CEP89: variants seen among roughly 807,000 people sequenced by gnomAD.
CEP89 encodes centrosomal protein 89, also known as centrosomal protein of 89 kDa.
Under a neutral mutation model 97.6 loss-of-function variants are expected in CEP89, and 95 were observed. The observed-to-expected ratio is 0.97, with a 90% CI of 0.82 to 1.15. The LOEUF (loss-of-function observed/expected upper bound fraction) is 1.15. Ranked by LOEUF, CEP89 falls within the 50% of genes most tolerant of loss-of-function variation. The probability of loss-of-function intolerance (pLI) is 0.00; values close to 1 mark genes in which losing one functional copy is unlikely to be tolerated. For missense variants in CEP89, 869 were observed against 947.7 expected (o/e 0.92, Z 1.09); for synonymous variants, 354 against 349.1 (o/e 1.01, Z -0.16).
At chr19:32,916,396 T>C (rs374368637) in intron 13 of CEP89, among the ~76,000 whole-genome samples, 1 of 152,216 alleles carries the variant, frequency 6.6e-6, no homozygotes, top group East Asian at 1.9e-4. Flanking sequence ...ATTCCAGTCT[T>C]CAAGGAACTG....
At chr19:32,892,526 G>A (rs558057686) in intron 16 of CEP89, among the ~76,000 whole-genome samples, 3 of 151,802 alleles carry the variant, frequency 2.0e-5, no homozygotes, top group African/African-American at 7.2e-5. Flanking sequence ...GGCTGGTCTT[G>A]AACTCCTGAC....
intron 14 of CEP89, among the ~76,000 whole-genome samples, chr19:32,904,418 C>T (rs1043518820): frequency 1.3e-5 from 2 of 152,134 alleles, no homozygotes; most frequent in Non-Finnish European, 2.9e-5. Flanking sequence ...GAATTCTTCA[C>T]CCAGTGAAAT....
At chr19:32,967,650 G>A (rs1048834801) in intron 1 of CEP89, among the ~76,000 whole-genome samples, 1 of 152,208 alleles carries the variant, frequency 6.6e-6, no homozygotes, top group African/African-American at 2.4e-5. Flanking sequence ...AATTTCAAAT[G>A]CTTTCCTTCG....
At chr19:32,951,646 G>C (rs1970921632) in intron 4 of CEP89, among the ~76,000 whole-genome samples, 1 of 151,020 alleles carries the variant, frequency 6.6e-6, no homozygotes, top group Non-Finnish European at 1.5e-5. Flanking sequence ...CCAAATCCAA[G>C]AAAAGATGAG....
intron 4 of CEP89, among the ~76,000 whole-genome samples, chr19:32,951,520 TATATATATATATATACACAC>T (rs893384770): frequency 1.4e-4 from 7 of 50,990 alleles, no homozygotes; most frequent in African/African-American, 3.5e-4. Flanking sequence ...ATTATATATA[TATATATATATATATACACAC>T]ACACACACAC....
At chr19:32,918,362 A>G (rs762520037) in intron 12 of CEP89, 23 bp from the exon 13 acceptor site, 2 of 1,545,606 alleles carry the variant, frequency 1.3e-6, no homozygotes, top group South Asian at 2.2e-5. Flanking sequence ...TACAAGATGA[A>G]ATACTGTGAT....
chr19:32,949,509 C>T lies in CEP89; in HGVS notation c.493-1141G>A, dbSNP rs77474165. Among the ~76,000 whole-genome samples, 167 of 152,180 alleles carry T rather than the reference C, an allele frequency of 1.1e-3. 3 individuals are homozygous for T. The highest frequency in any genetic ancestry group is 2.5e-3 in the East Asian group (13 of 5,176). On this transcript the variant is annotated intron_variant, in intron 4 of 18. Coordinates refer to ENST00000305768, the MANE Select transcript of CEP89 (RefSeq NM_032816.5). ...CAAGCAATCCTCCACCTCAGCCTCC[C>T]AGTAGCTAGGACTACAAGCGTATGA...
intron 5 of CEP89, among the ~76,000 whole-genome samples, chr19:32,941,880 A>G (rs1677469914): frequency 1.3e-5 from 2 of 152,206 alleles, no homozygotes; most frequent in South Asian, 4.1e-4. Flanking sequence ...GCACTGAACA[A>G]ATTTCCAATG....
Position 32,901,430 on chromosome 19 carries a change from T to C in CEP89, c.1566-18A>G. The C allele has an allele frequency of 6.2e-7, 1 of 1,609,116 alleles. No homozygotes were observed. Among genetic ancestry groups the C allele is most frequent in the Non-Finnish European group, 8.5e-7 (1 of 1,178,406 alleles). On this transcript the variant is annotated intron_variant, in intron 14 of 18. Coordinates refer to ENST00000305768, the MANE Select transcript of CEP89 (RefSeq NM_032816.5). The stretch of plus-strand genomic sequence containing the variant: ...GTAATTGGCTGAAGGACAAAAACAT[T>C]ACATGCTCGTATCCAGCACAATGAA...
chr19:32,913,637 C>T (rs1421490692), intron 14 of CEP89, among the ~76,000 whole-genome samples: 1 of 114,240 alleles, frequency 8.8e-6, no homozygotes, highest in African/African-American at 3.4e-5. Flanking sequence ...CATACACACA[C>T]ACTTTTTTTT....
chr19:32,949,866 C>T (rs996790219), intron 4 of CEP89, among the ~76,000 whole-genome samples: 20 of 152,094 alleles, frequency 1.3e-4, no homozygotes, highest in African/African-American at 3.6e-4. Flanking sequence ...ACTAGCAAGA[C>T]GCCCATGAGA....
At chr19:32,931,032 T>G (rs994364884) in intron 9 of CEP89, among the ~76,000 whole-genome samples, 7 of 152,072 alleles carry the variant, frequency 4.6e-5, no homozygotes, top group Non-Finnish European at 8.8e-5. Flanking sequence ...GCTACAGGCA[T>G]GCGCCACCAT....
chr19:32,881,754 CAAAT>C, intron 18 of CEP89, 86 bp downstream of exon 18: 1 of 1,250,602 alleles, frequency 8.0e-7, no homozygotes, highest in Non-Finnish European at 1.1e-6. Flanking sequence ...AACAATGGAA[CAAAT>C]AAAACAGGCC....
chr19:32,899,131 A>ATTTCCTT lies in CEP89; in HGVS notation c.1875+725_1875+726insAAGGAAA, dbSNP rs377046778. ...GTATCTCAAGACTGGTTTAATTAGCATTTTTTTTTTTTTTTTAGGGACAGG... is the reference window on the plus strand; with the variant it reads ...GTATCTCAAGACTGGTTTAATTAGCATTTCCTTTTTTTTTTTTTTTTTTAGGGACAGG... On this transcript the variant is annotated intron_variant, in intron 16 of 18. Coordinates refer to ENST00000305768, the MANE Select transcript of CEP89 (RefSeq NM_032816.5). Among the ~76,000 whole-genome samples the ATTTCCTT allele has an allele frequency of 3.0e-3, 430 of 143,212 alleles. 6 individuals carry two copies. The highest frequency in any genetic ancestry group is 3.9e-3 in the African/African-American group (151 of 38,690). 94.0% of individuals were successfully genotyped at this position (143,212 alleles called of 152,430 possible).
At chr19:32,880,199 A>G (rs1969252121) in intron 18 of CEP89, among the ~76,000 whole-genome samples, 1 of 152,236 alleles carries the variant, frequency 6.6e-6, no homozygotes, top group South Asian at 2.1e-4. Flanking sequence ...GAGCATGGCC[A>G]GGCTGGAGAG....
intron 2 of CEP89, among the ~76,000 whole-genome samples, chr19:32,964,132 T>C (rs1971232671): frequency 6.6e-6 from 1 of 152,122 alleles, no homozygotes; most frequent in Non-Finnish European, 1.5e-5. Flanking sequence ...GTTATAGATA[T>C]TTACCCGAGA....
intron 7 of CEP89, chr19:32,937,263 C>T (rs1970598550): frequency 6.4e-6 from 2 of 314,924 alleles, no homozygotes; most frequent in Admixed American, 9.8e-5. Context: ...CCTGCCTTCC[C>T]AGTACGGATC....
intron 6 of CEP89, 66 bp downstream of exon 6, chr19:32,939,791 T>C (rs1389699971): frequency 1.3e-6 from 1 of 780,380 alleles, no homozygotes; most frequent in African/African-American, 1.8e-5. Context: ...TGTTGAAAAT[T>C]TATGAAAAAT....
At chr19:32,963,891 A>G (rs2145974069) in intron 2 of CEP89, 1 of 54,586 alleles carries the variant, frequency 1.8e-5, no homozygotes, top group Admixed American at 2.4e-4. Context: ...GTTATAAAAG[A>G]CCACACACAC....
Sources: allele counts gnomAD v4.1 joint callset (sites outside exome capture counted in the v4.1 genomes callset), GRCh38; gene constraint gnomAD v4.1.1; transcripts MANE v1.5; gene names NCBI Gene and HGNC (gene_info 2026-07-23, HGNC 2026-07-21).